FAM227B: variants seen among roughly 807,000 people sequenced by gnomAD.
The protein encoded by FAM227B is protein FAM227B.
A neutral mutation model predicts 73.8 loss-of-function variants in FAM227B; 88 were observed. The ratio of observed to expected loss-of-function variants is 1.19; its 90% CI spans 1.00 to 1.42. The LOEUF is 1.42. FAM227B is among the 40% of genes most tolerant of loss of function. FAM227B has a pLI of 0.00. For synonymous variants in FAM227B, 210 were observed against 190.5 expected (o/e 1.10, Z -0.84); for missense variants, 632 against 590.9 (o/e 1.07, Z -0.72).
At chr15:49,507,544 T>C (rs1193763958) in intron 11 of FAM227B, among the ~76,000 whole-genome samples, 2 of 152,032 alleles carry the variant, frequency 1.3e-5, no homozygotes, top group Non-Finnish European at 2.9e-5. Flanking sequence ...ATTAAAGAAA[T>C]AGCATAAACA....
Position 49,328,665 on chromosome 15 carries a change from G to C in FAM227B, c.1430C>G (p.Ala477Gly). 2 of 1,559,850 alleles carry C rather than the reference G, an allele frequency of 1.3e-6. No homozygotes were observed. The highest frequency in any genetic ancestry group is 1.2e-5 in the South Asian group (1 of 85,428). Residue 477 changes from alanine to glycine, a missense_variant, in exon 16 of 16, where the codon GCT (alanine) becomes GGT (glycine). Physicochemically the swap from Ala to Gly is moderately conservative, Grantham distance 60. Coordinates refer to ENST00000299338, the MANE Select transcript of FAM227B (RefSeq NM_152647.3). ...EKFLHKLRSE[A>G]EIERECVASL... is the part of the protein sequence containing the mutation. ...TGCCACACATTCTCTCTCAATTTCA[G>C]CTTCGGAACGCTATGAAAATAATAC... is the stretch of plus-strand genomic sequence containing the variant.
Position 49,331,848 on chromosome 15 carries a change from G to T in FAM227B, c.1351C>A (p.Leu451Ile). Residue 451 changes from leucine to isoleucine, a missense_variant and splice_region_variant, in exon 15 of 16, where the codon CTC becomes ATC. Coordinates refer to ENST00000299338, the MANE Select transcript of FAM227B (RefSeq NM_152647.3). ...FARNQKDFRI[L>I]QAKATKKPHE... ...GGTTTCTTGGTAGCCTTTGCTTGGAGTCTAATCATGGAATAAAGAAAATCA... is the reference window on the plus strand; with the variant it reads ...GGTTTCTTGGTAGCCTTTGCTTGGATTCTAATCATGGAATAAAGAAAATCA... The T allele has an allele frequency of 6.3e-7, 1 of 1,599,054 alleles. No individual in the cohort carries two copies. The highest frequency in any genetic ancestry group is 8.6e-7 in the Non-Finnish European group (1 of 1,166,430).
intron 11 of FAM227B, among the ~76,000 whole-genome samples, chr15:49,450,891 T>C (rs1461769767): frequency 1.3e-5 from 2 of 152,122 alleles, no homozygotes; most frequent in African/African-American, 2.4e-5. Flanking sequence ...CTGAACCTAT[T>C]TGGGAAAAAA....
intron 10 of FAM227B, among the ~76,000 whole-genome samples, chr15:49,521,870 T>G (rs2059812541): frequency 6.6e-6 from 1 of 152,102 alleles, no homozygotes; most frequent in African/African-American, 2.4e-5. Flanking sequence ...ACGCCATTTC[T>G]CCACCCCAGA....
intron 11 of FAM227B, among the ~76,000 whole-genome samples, chr15:49,434,199 C>T (rs1168786094): frequency 6.6e-6 from 1 of 151,634 alleles, no homozygotes; most frequent in Non-Finnish European, 1.5e-5. Context: ...AGGCAGCTCT[C>T]ATAGGAAGGT....
chr15:49,345,952 C>A (rs564737467), intron 13 of FAM227B, among the ~76,000 whole-genome samples: 1 of 151,942 alleles, frequency 6.6e-6, no homozygotes, highest in African/African-American at 2.4e-5. Flanking sequence ...GGGCAAATTT[C>A]GTACTTATCT....
intron 11 of FAM227B, among the ~76,000 whole-genome samples, chr15:49,451,880 T>C (rs533905618): frequency 1.3e-5 from 2 of 152,274 alleles, no homozygotes; most frequent in South Asian, 4.1e-4. Context: ...TTAGGAATTA[T>C]TTTACATGCG....
At chr15:49,529,515 A>T (rs528466552) in intron 10 of FAM227B, among the ~76,000 whole-genome samples, 1 of 151,850 alleles carries the variant, frequency 6.6e-6, no homozygotes, top group African/African-American at 2.4e-5. Context: ...AAGAAAATGT[A>T]GGTTTGATTT....
intron 11 of FAM227B, among the ~76,000 whole-genome samples, chr15:49,375,792 C>T (rs1441713453): frequency 1.3e-5 from 2 of 152,012 alleles, no homozygotes; most frequent in Non-Finnish European, 2.9e-5. Flanking sequence ...TACACAAGAA[C>T]TTTTAGGATG....
intron 11 of FAM227B, among the ~76,000 whole-genome samples, chr15:49,409,175 A>T (rs923025499): frequency 2.0e-5 from 3 of 152,088 alleles, no homozygotes; most frequent in Non-Finnish European, 4.4e-5. Flanking sequence ...TCACTTCAGT[A>T]TTGGAGGGCT....
intron 11 of FAM227B, chr15:49,485,244 T>C (rs1315718811): frequency 1.3e-5 from 2 of 152,360 alleles, no homozygotes; most frequent in Admixed American, 6.6e-5. Context: ...TACTTCATCT[T>C]ACTTGCCACA....
At chr15:49,379,975 G>C (rs776715930) in intron 11 of FAM227B, among the ~76,000 whole-genome samples, 73 of 152,166 alleles carry the variant, frequency 4.8e-4, no homozygotes, top group Non-Finnish European at 9.0e-4. Context: ...TACCCTTCAG[G>C]GTGTTGAGGT....
At chr15:49,555,814 T>C (rs1588127) in intron 9 of FAM227B, among the ~76,000 whole-genome samples, 27,808 of 152,170 alleles carry the variant, frequency 0.18, 3,143 homozygotes, top group Non-Finnish European at 0.25. Context: ...ATGAAGAGTC[T>C]TTCCTCAGCT....
intron 11 of FAM227B, among the ~76,000 whole-genome samples, chr15:49,471,134 G>A (rs745679273): frequency 7.2e-5 from 11 of 152,192 alleles, no homozygotes; most frequent in Non-Finnish European, 1.3e-4. Flanking sequence ...AATTCAGAAA[G>A]GAAGCCAAGA....
chr15:49,335,997 C>T (rs965206938), intron 13 of FAM227B, among the ~76,000 whole-genome samples: 15 of 152,008 alleles, frequency 9.9e-5, no homozygotes, highest in Admixed American at 7.9e-4. Flanking sequence ...GACAGTTTCT[C>T]GCTATCTTGC....
chr15:49,391,305 GAC>G, intron 11 of FAM227B, among the ~76,000 whole-genome samples: 1 of 152,172 alleles, frequency 6.6e-6, no homozygotes, highest in East Asian at 1.9e-4. Flanking sequence ...GGCCTGCTGG[GAC>G]ACCTCAAGCA....
intron 11 of FAM227B, among the ~76,000 whole-genome samples, chr15:49,374,946 T>C (rs1445266946): frequency 1.3e-5 from 2 of 152,228 alleles, no homozygotes; most frequent in African/African-American, 2.4e-5. Context: ...TTCAATCTGA[T>C]CATCTGCAGG....
chr15:49,365,242 C>T, intron 13 of FAM227B: 1 of 1,106,304 alleles, frequency 9.0e-7, no homozygotes, highest in East Asian at 2.3e-5. Flanking sequence ...CCTTACATTT[C>T]CAGGCAACAA....
At chr15:49,548,294 T>C (rs142409550) in intron 9 of FAM227B, among the ~76,000 whole-genome samples, 220 of 152,368 alleles carry the variant, frequency 1.4e-3, no homozygotes, top group African/African-American at 5.2e-3. Context: ...GGTTTTATCC[T>C]TCATTCTGTT....
Sources: gnomAD v4.1 joint callset for allele counts (sites outside exome capture counted in the v4.1 genomes callset) on GRCh38, gnomAD v4.1.1 for gene constraint, MANE v1.5 for transcripts, NCBI Gene and HGNC (gene_info 2026-07-23, HGNC 2026-07-21) for gene names.